The following KIAA0825 variants were observed in gnomAD, a reference collection of about 807,000 sequenced individuals.
The protein encoded by KIAA0825 is uncharacterized protein KIAA0825.
KIAA0825 carries 119 observed loss-of-function variants against 147.6 expected under a neutral mutation model. That is an observed-to-expected ratio of 0.81 (90% confidence interval 0.69 to 0.94). The LOEUF is 0.94. Among genes scored for constraint, KIAA0825 ranks in the 40% least tolerant of loss-of-function variants. The pLI is 0.00. For missense variants in KIAA0825, 1,381 were observed against 1,472.7 expected, an observed-to-expected ratio of 0.94 and a Z score of 1.02; for synonymous variants, 470 against 518.1, an observed-to-expected ratio of 0.91 and a Z score of 1.26.
chr5:94,547,662 G>A (rs1014309419), intron 2 of KIAA0825, among the ~76,000 whole-genome samples: 3 of 147,898 alleles, frequency 2.0e-5, no homozygotes, highest in African/African-American at 5.0e-5. Flanking sequence ...ACTTGAACCC[G>A]GGAGGCGGAG....
chr5:94,395,085 C>T (rs1750461647), intron 17 of KIAA0825, among the ~76,000 whole-genome samples: 1 of 152,164 alleles, frequency 6.6e-6, no homozygotes, highest in Non-Finnish European at 1.5e-5. Flanking sequence ...GCTAAGAACT[C>T]CATGAATGTT....
intron 20 of KIAA0825, among the ~76,000 whole-genome samples, chr5:94,269,143 T>C (rs923165157): frequency 1.3e-5 from 2 of 152,234 alleles, no homozygotes; most frequent in African/African-American, 4.8e-5. Flanking sequence ...CGTTAAATAA[T>C]CAAAATTAGT....
At chr5:94,470,156 G>A in intron 9 of KIAA0825, 45 bp from the exon 10 acceptor site, 2 of 1,434,056 alleles carry the variant, frequency 1.4e-6, no homozygotes, top group South Asian at 1.4e-5. Flanking sequence ...TAAGGCCTGT[G>A]CAGTAGGAGA....
At chr5:94,430,794 C>T (rs1025199461) in intron 14 of KIAA0825, among the ~76,000 whole-genome samples, 2 of 152,132 alleles carry the variant, frequency 1.3e-5, no homozygotes, top group Non-Finnish European at 2.9e-5. Context: ...TCAGTCACTG[C>T]CAAGCCAGAT....
At chr5:94,304,295 G>T (rs1049760556) in intron 20 of KIAA0825, among the ~76,000 whole-genome samples, 1 of 152,032 alleles carries the variant, frequency 6.6e-6, no homozygotes, top group Non-Finnish European at 1.5e-5. Context: ...TGGCATAAGT[G>T]TATGGCAGGG....
intron 11 of KIAA0825, among the ~76,000 whole-genome samples, chr5:94,462,810 G>A (rs1759998983): frequency 6.6e-6 from 1 of 151,740 alleles, no homozygotes; most frequent in Non-Finnish European, 1.5e-5. Context: ...TAGAGTTTTA[G>A]GAGTGCTTTT....
At chr5:94,317,338 AT>A (rs1779749312) in intron 20 of KIAA0825, among the ~76,000 whole-genome samples, 2 of 151,900 alleles carry the variant, frequency 1.3e-5, no homozygotes, top group Non-Finnish European at 2.9e-5. Flanking sequence ...AGTGTTTAAA[AT>A]ATTTTGAAAA....
At chr5:94,229,973 C>T (rs1774544299) in intron 20 of KIAA0825, among the ~76,000 whole-genome samples, 1 of 151,940 alleles carries the variant, frequency 6.6e-6, no homozygotes, top group African/African-American at 2.4e-5. Flanking sequence ...AGAGATTTGC[C>T]TCAAGCATTT....
At chr5:94,255,022 CTGTGCTACCTCATAT>C (rs1776171349) in intron 20 of KIAA0825, among the ~76,000 whole-genome samples, 1 of 151,784 alleles carries the variant, frequency 6.6e-6, no homozygotes, top group Non-Finnish European at 1.5e-5. Flanking sequence ...ATCACTTAGT[CTGTGCTACCTCATAT>C]TGTTATTAAT....
intron 7 of KIAA0825, among the ~76,000 whole-genome samples, chr5:94,474,698 C>T (rs1346903768): frequency 4.6e-5 from 7 of 152,154 alleles, no homozygotes; most frequent in Non-Finnish European, 1.0e-4. Flanking sequence ...AAACATGGCT[C>T]TTGCTCTCAT....
At position 94,218,642 on chromosome 5, in the gene KIAA0825, A is replaced by T. The variant is rs565870771; in HGVS notation, c.3711-64518T>A. 8.5e-5 allele frequency among the ~76,000 whole-genome samples: 13 copies of T among 152,280 alleles called. No individual in the cohort carries two copies. The South Asian group carries it at 2.7e-3, about 32-fold the overall frequency. The stretch of plus-strand genomic sequence containing the variant: ...TGAGGAAAAGGGAGATTGCCAACAT[A>T]CCACAGAGTTGATTTCATGCTATGA... On this transcript the variant is annotated intron_variant, in intron 20 of 20. Transcript: ENST00000682413.
intron 14 of KIAA0825, among the ~76,000 whole-genome samples, chr5:94,437,478 C>G (rs1756527135): frequency 6.6e-6 from 1 of 152,138 alleles, no homozygotes. Context: ...GGTAAATACA[C>G]TGCTGTACTC....
In KIAA0825 at chr5:94,529,271, G is replaced by GTATCATATA. The variant is rs1561268093; in HGVS notation, c.132-5174_132-5173insTATATGATA. On this transcript the variant is annotated intron_variant, in intron 3 of 20. Transcript: ENST00000682413. Reference sequence around the variant, plus strand: ...ATATATATGTATATATCATATATATGTATGTATCATATATATGTATATATC... The same window carrying GTATCATATA: ...ATATATATGTATATATCATATATATGTATCATATATATGTATCATATATATGTATATATC... Among the ~76,000 whole-genome samples the GTATCATATA allele has an allele frequency of 3.0e-3, 381 of 128,332 alleles. 3 individuals carry two copies. The highest frequency in any genetic ancestry group is 0.012 in the African/African-American group (360 of 29,762). 84.2% of individuals were successfully genotyped at this position (128,332 alleles called of 152,430 possible).
intron 2 of KIAA0825, among the ~76,000 whole-genome samples, chr5:94,571,873 C>T (rs1357198231): frequency 6.6e-6 from 1 of 151,962 alleles, no homozygotes; most frequent in Non-Finnish European, 1.5e-5. Flanking sequence ...ATACATTATC[C>T]AGTAATAAAA....
At chr5:94,214,456 C>A (rs1258951045) in intron 20 of KIAA0825, among the ~76,000 whole-genome samples, 2 of 152,148 alleles carry the variant, frequency 1.3e-5, no homozygotes, top group Non-Finnish European at 2.9e-5. Context: ...ACTTCCACAT[C>A]CTCTCCTGAT....
Position 94,490,653 on chromosome 5 carries a change from A to G in KIAA0825, c.971-5723T>C, listed in dbSNP as rs549609917. 1.8e-4 allele frequency among the ~76,000 whole-genome samples: 27 copies of G among 152,180 alleles called. No homozygotes were observed. The East Asian group carries it at 5.2e-3, about 29-fold the overall frequency. ...AAAACTGTTACCCTACATTTTTAAA[A>G]AAGTCTTCTTCTCTGTCTATATATA... On this transcript the variant is annotated intron_variant, in intron 5 of 20. Coordinates refer to ENST00000682413, the MANE Select transcript of KIAA0825 (RefSeq NM_001145678.3).
At chr5:94,432,801 G>A (rs1192547859) in intron 14 of KIAA0825, among the ~76,000 whole-genome samples, 1 of 152,080 alleles carries the variant, frequency 6.6e-6, no homozygotes, top group East Asian at 1.9e-4. Context: ...AAAGGTGGGA[G>A]GATTGCTTGA....
rs189375886 is a variant in KIAA0825 at position 94,278,677 on chromosome 5, T to G, written c.3710+105691A>C. On this transcript the variant is annotated intron_variant, in intron 20 of 20. Coordinates refer to ENST00000682413, the MANE Select transcript of KIAA0825 (RefSeq NM_001145678.3). Reference sequence around the variant, plus strand: ...TTAGGCAACTTGTATTTACAAAGATTTGTTGTGATTGGAAATAACTTCTAT... The same window carrying G: ...TTAGGCAACTTGTATTTACAAAGATGTGTTGTGATTGGAAATAACTTCTAT... 2.1e-3 allele frequency among the ~76,000 whole-genome samples: 323 copies of G among 152,240 alleles called. 3 individuals are homozygous for G. Among genetic ancestry groups the G allele is most frequent in the African/African-American group, 7.6e-3 (316 of 41,556 alleles).
intron 2 of KIAA0825, among the ~76,000 whole-genome samples, chr5:94,560,747 G>T (rs991922291): frequency 6.6e-6 from 1 of 152,176 alleles, no homozygotes; most frequent in African/African-American, 2.4e-5. Flanking sequence ...TCTGCAACCA[G>T]TGTCGCAGAT....
Sources: allele counts gnomAD v4.1 joint callset (sites outside exome capture counted in the v4.1 genomes callset), GRCh38; gene constraint gnomAD v4.1.1; transcripts MANE v1.5; gene names NCBI Gene and HGNC (gene_info 2026-07-23, HGNC 2026-07-21).